The following ARMC2 variants were observed in gnomAD, a reference collection of about 807,000 sequenced individuals.
ARMC2 encodes armadillo repeat containing 2, also known as armadillo repeat-containing protein 2.
ARMC2 carries 67 observed loss-of-function variants against 90.3 expected under a neutral mutation model. That is an observed-to-expected ratio of 0.74 (90% CI 0.61 to 0.91). The LOEUF is 0.91. Among genes scored for constraint, ARMC2 ranks in the 40% least tolerant of loss-of-function variants. The pLI is 0.00. For synonymous variants in ARMC2, 393 were observed against 393.0 expected (o/e 1.00, Z 0.00); for missense variants, 920 against 1,030.9 (o/e 0.89, Z 1.47).
intron 1 of ARMC2, among the ~76,000 whole-genome samples, chr6:108,850,320 T>C (rs1202468245): frequency 1.3e-5 from 2 of 152,208 alleles, no homozygotes; most frequent in African/African-American, 4.8e-5. Flanking sequence ...CAGCTTCTCC[T>C]CCTGTTTCTT....
intron 6 of ARMC2, among the ~76,000 whole-genome samples, chr6:108,899,292 C>A (rs1350004440): frequency 6.6e-6 from 1 of 152,128 alleles, no homozygotes; most frequent in African/African-American, 2.4e-5. Context: ...TTTTAGGTCT[C>A]CCTTTTAGAA....
At chr6:108,992,034 T>C in the ARMC2 span, among the ~76,000 whole-genome samples, 1 of 152,202 alleles carries the variant, frequency 6.6e-6, no homozygotes, top group Non-Finnish European at 1.5e-5. Context: ...ACATGATGTC[T>C]TCAATTTCTA....
intron 6 of ARMC2, 126 bp from the exon 7 acceptor site, chr6:108,899,568 G>T (rs1399750646): frequency 4.1e-6 from 3 of 728,018 alleles, no homozygotes; most frequent in Non-Finnish European, 2.4e-6. Context: ...GTCAGGCTTG[G>T]AGAGCAAAGG....
intron 10 of ARMC2, among the ~76,000 whole-genome samples, chr6:108,920,276 A>G (rs140786254): frequency 2.6e-4 from 40 of 151,730 alleles, no homozygotes; most frequent in Admixed American, 9.2e-4. Context: ...TGCAACCTCC[A>G]CCTCCCGGGT....
At chr6:108,849,051 C>T (rs1407647399) in intron 1 of ARMC2, among the ~76,000 whole-genome samples, 1 of 152,066 alleles carries the variant, frequency 6.6e-6, no homozygotes, top group Admixed American at 6.6e-5. Flanking sequence ...TCTAGGCAGG[C>T]GGTGACCGGG....
intron 11 of ARMC2, 75 bp downstream of exon 11, chr6:108,928,308 T>A (rs1775268745): frequency 2.2e-6 from 3 of 1,334,392 alleles, no homozygotes; most frequent in East Asian, 2.6e-5. Flanking sequence ...TAATATTTGC[T>A]TGTGTGACTG....
intron 17 of ARMC2, among the ~76,000 whole-genome samples, chr6:108,972,722 G>T (rs1328881392): frequency 1.3e-5 from 2 of 152,096 alleles, no homozygotes; most frequent in Non-Finnish European, 2.9e-5. Context: ...GGATGGCGGT[G>T]GCATGATCGT....
chr6:108,960,506 C>A (rs1777916142), intron 13 of ARMC2, among the ~76,000 whole-genome samples: 1 of 152,220 alleles, frequency 6.6e-6, no homozygotes, highest in Non-Finnish European at 1.5e-5. Context: ...AGGCACTGTT[C>A]TAGAAGCTGG....
intron 1 of ARMC2, among the ~76,000 whole-genome samples, chr6:108,849,747 C>G (rs1282291871): frequency 6.6e-6 from 1 of 152,210 alleles, no homozygotes; most frequent in Non-Finnish European, 1.5e-5. Flanking sequence ...TGTATTATAT[C>G]ATTTAATTCT....
intron 1 of ARMC2, among the ~76,000 whole-genome samples, chr6:108,852,108 T>C (rs1427966669): frequency 6.6e-6 from 1 of 152,190 alleles, no homozygotes; most frequent in African/African-American, 2.4e-5. Flanking sequence ...AGGTATACTT[T>C]AAGTAGATAA....
At chr6:108,959,065 C>T (rs1469253287) in intron 13 of ARMC2, among the ~76,000 whole-genome samples, 1 of 152,138 alleles carries the variant, frequency 6.6e-6, no homozygotes, top group Non-Finnish European at 1.5e-5. Flanking sequence ...TCCTTATTCC[C>T]TTTTTATATA....
intron 17 of ARMC2, among the ~76,000 whole-genome samples, chr6:108,973,133 T>C (rs6908714): frequency 0.19 from 28,308 of 151,888 alleles, 3,107 homozygotes; most frequent in African/African-American, 0.31. Context: ...TGGAGACCAG[T>C]CTGGGTAATA....
At chr6:108,958,258 C>T (rs1777734008) in intron 13 of ARMC2, among the ~76,000 whole-genome samples, 1 of 152,118 alleles carries the variant, frequency 6.6e-6, no homozygotes, top group African/African-American at 2.4e-5. Flanking sequence ...AAAATAAATT[C>T]CTGTTGGTTC....
chr6:108,862,365 AAAC>A (rs1404562540), intron 3 of ARMC2, among the ~76,000 whole-genome samples: 25 of 150,606 alleles, frequency 1.7e-4, no homozygotes, highest in African/African-American at 5.1e-4. Context: ...AAAACAAAAA[AAAC>A]AAACAAAACC....
intron 17 of ARMC2, among the ~76,000 whole-genome samples, chr6:108,971,064 AAC>A (rs1778734093): frequency 6.6e-6 from 1 of 151,934 alleles, no homozygotes; most frequent in African/African-American, 2.4e-5. Context: ...CTCTACTAAA[AAC>A]ACAAAAAATT....
intron 11 of ARMC2, among the ~76,000 whole-genome samples, chr6:108,933,981 C>T (rs993608308): frequency 1.3e-5 from 2 of 152,196 alleles, no homozygotes; most frequent in African/African-American, 4.8e-5. Context: ...CCTGCCTCAG[C>T]CTCCAGAGTA....
chr6:108,860,225 G>A (rs1481985042), intron 3 of ARMC2, among the ~76,000 whole-genome samples: 2 of 151,820 alleles, frequency 1.3e-5, no homozygotes, highest in East Asian at 3.9e-4. Context: ...CATGGTTGTA[G>A]CATGTTATCT....
Position 108,933,027 on chromosome 6 carries a change from A to T in ARMC2, c.1497-3873A>T, listed in dbSNP as rs118056119. Among the ~76,000 whole-genome samples, 549 of 151,714 alleles carry T rather than the reference A, an allele frequency of 3.6e-3. 4 individuals are homozygous for T. Among genetic ancestry groups the T allele is most frequent in the East Asian group, 0.025 (129 of 5,136 alleles). On this transcript the variant is annotated intron_variant, in intron 11 of 17. Transcript: ENST00000392644. ...TCTAGCTTTGTTCTTTTTGCATAAG[A>T]TTCCTTGGCTATTTGAGCTCATTTT... is the stretch of plus-strand genomic sequence containing the variant.
At chr6:108,929,198 T>A (rs1012565551) in intron 11 of ARMC2, among the ~76,000 whole-genome samples, 1 of 152,148 alleles carries the variant, frequency 6.6e-6, no homozygotes, top group Non-Finnish European at 1.5e-5. Flanking sequence ...GATACCTAAT[T>A]ACTACCTATC....
Sources: gnomAD v4.1 joint callset for allele counts (sites outside exome capture counted in the v4.1 genomes callset) on GRCh38, gnomAD v4.1.1 for gene constraint, MANE v1.5 for transcripts, NCBI Gene and HGNC (gene_info 2026-07-23, HGNC 2026-07-21) for gene names.